The following DLGAP2 variants were observed in gnomAD, a reference collection of about 807,000 sequenced individuals.
DLGAP2 encodes DLG associated protein 2, also known as disks large-associated protein 2.
DLGAP2 carries 26 observed loss-of-function variants against 100.3 expected under a neutral mutation model. The observed-to-expected ratio is 0.26, with a 90% CI of 0.19 to 0.36. The LOEUF is 0.36. Among genes scored for constraint, DLGAP2 ranks in the 10% least tolerant of loss-of-function variants. The pLI is 1.00. For synonymous variants in DLGAP2, 886 were observed against 630.1 expected (o/e 1.41, Z -6.08); for missense variants, 1,858 against 1,453.2 (o/e 1.28, Z -4.53).
In DLGAP2 at chr8:1,129,558, T is replaced by C. The variant is rs140548496; in HGVS notation, c.74-129293T>C. ...AAATGCTGGGAGGAGACGTTGATATTATTTCGAGAGGGGCACCTGCTCCCA... is the reference window on the plus strand; with the variant it reads ...AAATGCTGGGAGGAGACGTTGATATCATTTCGAGAGGGGCACCTGCTCCCA... On this transcript the variant is annotated intron_variant, in intron 2 of 14. Transcript: ENST00000637795. Among the ~76,000 whole-genome samples, 1,005 of 152,240 alleles carry C rather than the reference T, an allele frequency of 6.6e-3. 16 individuals carry two copies. The highest frequency in any genetic ancestry group is 6.4e-3 in the Non-Finnish European group (438 of 68,020).
chr8:1,308,346 T>G (rs754659183), intron 3 of DLGAP2, among the ~76,000 whole-genome samples: 1 of 152,138 alleles, frequency 6.6e-6, no homozygotes, highest in South Asian at 2.1e-4. Context: ...AAAAATAGTT[T>G]GGAAAGTCAC....
intron 1 of DLGAP2, among the ~76,000 whole-genome samples, chr8:768,886 C>T (rs1222712999): frequency 7.9e-5 from 12 of 152,240 alleles, no homozygotes; most frequent in African/African-American, 2.6e-4. Flanking sequence ...GTCAGGAGAA[C>T]GCAGTCTGTG....
intron 2 of DLGAP2, among the ~76,000 whole-genome samples, chr8:957,221 G>C (rs1189426189): frequency 1.3e-5 from 2 of 152,238 alleles, no homozygotes; most frequent in African/African-American, 2.4e-5. Context: ...GCCTTTGAAG[G>C]CAGGGTCAGT....
intron 2 of DLGAP2, among the ~76,000 whole-genome samples, chr8:935,767 A>G (rs1435239399): frequency 1.3e-5 from 2 of 152,142 alleles, no homozygotes; most frequent in African/African-American, 4.8e-5. Flanking sequence ...CTCAAAGCAT[A>G]GTGGTTCCTG....
intron 5 of DLGAP2, among the ~76,000 whole-genome samples, chr8:1,563,272 T>G (rs181414124): frequency 3.5e-5 from 1 of 28,708 alleles, no homozygotes; most frequent in African/African-American, 1.7e-4. Context: ...GTTGGGTGTC[T>G]GCGCCTCGTT....
At chr8:1,511,401 T>G (rs11784147) in intron 4 of DLGAP2, among the ~76,000 whole-genome samples, 4 of 20,418 alleles carry the variant, frequency 2.0e-4, no homozygotes, top group Admixed American at 6.5e-4. Flanking sequence ...TCTTCCATGG[T>G]CGTAAGGGCT....
chr8:789,442 A>G (rs1465002510), intron 1 of DLGAP2, among the ~76,000 whole-genome samples: 8 of 152,148 alleles, frequency 5.3e-5, no homozygotes, highest in Non-Finnish European at 1.0e-4. Context: ...GCAAGGGGAA[A>G]TCCACCCCTG....
chr8:899,000 T>G (rs1421219400), intron 1 of DLGAP2, among the ~76,000 whole-genome samples: 1 of 152,176 alleles, frequency 6.6e-6, no homozygotes, highest in Non-Finnish European at 1.5e-5. Flanking sequence ...GCAGAAGGTG[T>G]TTAACAAGCC....
At chr8:1,123,335 G>A (rs1462681714) in intron 2 of DLGAP2, among the ~76,000 whole-genome samples, 5 of 152,126 alleles carry the variant, frequency 3.3e-5, no homozygotes, top group East Asian at 1.9e-4. Context: ...CCCATGAGGC[G>A]GGTGATAATA....
At chr8:1,387,358 G>C (rs965894849) in intron 3 of DLGAP2, among the ~76,000 whole-genome samples, 1 of 152,190 alleles carries the variant, frequency 6.6e-6, no homozygotes, top group Non-Finnish European at 1.5e-5. Context: ...AATGGAATAA[G>C]TTCACAGAGA....
At position 1,478,004 on chromosome 8, in the gene DLGAP2, C is replaced by G. The variant is rs571234914; in HGVS notation, c.107-23362C>G. On this transcript the variant is annotated intron_variant, in intron 3 of 14. Transcript: ENST00000637795. The stretch of plus-strand genomic sequence containing the variant: ...TTAGCGCTGCCTGTCACTCTCTGTT[C>G]GTAGGGTTTAATTTACTTTCATTCC... 9.2e-5 allele frequency among the ~76,000 whole-genome samples: 14 copies of G among 152,238 alleles called. No homozygotes were observed. The South Asian group carries it at 2.3e-3, about 25-fold the overall frequency.
At chr8:945,672 A>G (rs1799299624) in intron 2 of DLGAP2, among the ~76,000 whole-genome samples, 1 of 152,172 alleles carries the variant, frequency 6.6e-6, no homozygotes, top group South Asian at 2.1e-4. Flanking sequence ...AAGTTTAAGG[A>G]ATGAACATTG....
chr8:1,592,786 A>G (rs141134430), intron 6 of DLGAP2, among the ~76,000 whole-genome samples: 339 of 152,240 alleles, frequency 2.2e-3, no homozygotes, highest in African/African-American at 7.9e-3. Flanking sequence ...ATTTCTTTTT[A>G]TTATCCCACA....
At chr8:1,152,751 T>G (rs1325872917) in intron 2 of DLGAP2, among the ~76,000 whole-genome samples, 1 of 152,224 alleles carries the variant, frequency 6.6e-6, no homozygotes, top group Non-Finnish European at 1.5e-5. Context: ...TCCTCCCAGA[T>G]GCTGAAGCTA....
chr8:978,887 A>G (rs1800247562), intron 2 of DLGAP2, among the ~76,000 whole-genome samples: 1 of 152,214 alleles, frequency 6.6e-6, no homozygotes, highest in Non-Finnish European at 1.5e-5. Context: ...ACTCATAGCC[A>G]AAAATGTATG....
intron 1 of DLGAP2, among the ~76,000 whole-genome samples, chr8:818,371 C>G (rs1008904754): frequency 1.3e-5 from 2 of 152,180 alleles, no homozygotes; most frequent in Non-Finnish European, 2.9e-5. Context: ...ACCAACAGTA[C>G]CGAGTCTATT....
intron 2 of DLGAP2, among the ~76,000 whole-genome samples, chr8:1,075,129 C>G (rs1236342738): frequency 6.6e-6 from 1 of 152,242 alleles, no homozygotes; most frequent in Non-Finnish European, 1.5e-5. Context: ...TCCTCAGACT[C>G]AATGGAGTTC....
chr8:1,108,990 A>C (rs1281441739), intron 2 of DLGAP2, among the ~76,000 whole-genome samples: 16 of 138,336 alleles, frequency 1.2e-4, no homozygotes, highest in Admixed American at 7.5e-5. Context: ...TGAGGTGTGC[A>C]CATGCCTATG....
At position 1,636,646 on chromosome 8, in the gene DLGAP2, T is replaced by G. The variant is rs567800094; in HGVS notation, c.1810+3600T>G. Among the ~76,000 whole-genome samples, 334 of 152,352 alleles carry G rather than the reference T, an allele frequency of 2.2e-3. 1 individual carries two copies. Among genetic ancestry groups the G allele is most frequent in the Non-Finnish European group, 1.5e-3 (102 of 68,036 alleles). The stretch of plus-strand genomic sequence containing the variant: ...AGACAGTGTTTTACTTAATTTTATC[T>G]TGTCACAAAGAGTGGATTTTCAGGC... On this transcript the variant is annotated intron_variant, in intron 8 of 14. Transcript: ENST00000637795.
Sources: gnomAD v4.1 joint callset for allele counts (sites outside exome capture counted in the v4.1 genomes callset) on GRCh38, gnomAD v4.1.1 for gene constraint, MANE v1.5 for transcripts, NCBI Gene and HGNC (gene_info 2026-07-23, HGNC 2026-07-21) for gene names.